SLC16A5: variants seen among roughly 807,000 people sequenced by gnomAD.
SLC16A5 encodes the protein solute carrier family 16 member 5.
A neutral mutation model predicts 33.2 loss-of-function variants in SLC16A5; 29 were observed. The observed-to-expected ratio is 0.87, with a 90% CI of 0.65 to 1.19. The LOEUF is 1.19. Among genes scored for constraint, SLC16A5 ranks in the 50% most tolerant of loss-of-function variants. SLC16A5 has a pLI of 0.00. For synonymous variants in SLC16A5, 248 were observed against 284.1 expected (o/e 0.87, Z 1.28); for missense variants, 606 against 678.2 (o/e 0.89, Z 1.18).
At chr17:75,097,976 CTCT>C (rs2073741741) in intron 3 of SLC16A5, 59 bp from the exon 4 acceptor site, 19 of 1,503,120 alleles carry the variant, frequency 1.3e-5, no homozygotes, top group Non-Finnish European at 1.7e-5. Context: ...TCTCCAGCCA[CTCT>C]CCTCCTCTCC....
At position 75,094,265 on chromosome 17, in the gene SLC16A5, G is replaced by A. The variant is rs369731817; in HGVS notation, c.199+430G>A. 7.9e-5 allele frequency among the ~76,000 whole-genome samples: 12 copies of A among 152,356 alleles called. No homozygotes were observed. In the East Asian group the frequency reaches 1.2e-3, roughly 15 times the overall value. Reference sequence around the variant, plus strand: ...TGCCCAGCTCCCACATGGAATAGCAGGGAAGACCACTGTCTTCCCTGGAGG... The same window carrying A: ...TGCCCAGCTCCCACATGGAATAGCAAGGAAGACCACTGTCTTCCCTGGAGG... On this transcript the variant is annotated intron_variant, in intron 3 of 6. Coordinates refer to ENST00000329783, the MANE Select transcript of SLC16A5 (RefSeq NM_004695.4).
chr17:75,092,686 C>G (rs575097712), intron 2 of SLC16A5, among the ~76,000 whole-genome samples: 1 of 151,504 alleles, frequency 6.6e-6, no homozygotes, highest in Non-Finnish European at 1.5e-5. Context: ...CAGTGGATCT[C>G]TGTGTGTGTG....
chr17:75,095,475 G>A (rs1288365684), intron 3 of SLC16A5, among the ~76,000 whole-genome samples: 3 of 152,166 alleles, frequency 2.0e-5, no homozygotes, highest in Non-Finnish European at 4.4e-5. Context: ...GAGTACTGTA[G>A]ACATTTTATT....
At chr17:75,100,917 C>G in intron 5 of SLC16A5, 101 bp downstream of exon 5, 1 of 1,209,674 alleles carries the variant, frequency 8.3e-7, no homozygotes, top group Non-Finnish European at 1.1e-6. Flanking sequence ...TGTGCTACAG[C>G]TGGTTTCCAA....
chr17:75,093,893 A>G (rs943541009), intron 3 of SLC16A5, 58 bp downstream of exon 3: 28 of 1,568,992 alleles, frequency 1.8e-5, no homozygotes, highest in African/African-American at 8.1e-5. Context: ...GGAAGCCACA[A>G]CCTCCCTGGC....
chr17:75,089,490 C>T (rs2073609586), intron 2 of SLC16A5, among the ~76,000 whole-genome samples, 186 bp downstream of exon 2: 1 of 152,052 alleles, frequency 6.6e-6, no homozygotes, highest in African/African-American at 2.4e-5. Flanking sequence ...TGCGGTGTCT[C>T]ACACCTGTAA....
chr17:75,093,903 C>A, intron 3 of SLC16A5, 68 bp downstream of exon 3: 6 of 1,550,674 alleles, frequency 3.9e-6, no homozygotes, highest in East Asian at 2.3e-5. Flanking sequence ...ACCTCCCTGG[C>A]CTTCTGATTC....
intron 2 of SLC16A5, among the ~76,000 whole-genome samples, chr17:75,091,721 G>A (rs1217753300): frequency 6.6e-6 from 1 of 152,226 alleles, no homozygotes; most frequent in Admixed American, 6.5e-5. Context: ...CAGGACCTGG[G>A]GTGAAAGGGA....
chr17:75,087,646 A>G (rs1325770562), upstream of SLC16A5: 1 of 152,182 alleles, frequency 6.6e-6, no homozygotes, highest in Non-Finnish European at 1.5e-5. Flanking sequence ...TCCCCACCCC[A>G]CTTCCTGGGA....
chr17:75,095,188 C>T (rs529233018), intron 3 of SLC16A5, among the ~76,000 whole-genome samples: 4 of 152,340 alleles, frequency 2.6e-5, no homozygotes, highest in South Asian at 2.1e-4. Context: ...TCGGAGAAAG[C>T]GCCACCCTCC....
intron 5 of SLC16A5, among the ~76,000 whole-genome samples, chr17:75,101,561 GAA>G (rs531652324): frequency 0.019 from 888 of 45,574 alleles, 5 homozygotes; most frequent in African/African-American, 0.05. Context: ...GACTCCATCT[GAA>G]AAAAAAAAAA....
At chr17:75,109,961 G>C (rs1326032258), downstream of SLC16A5, 1 of 278,024 alleles carries the variant, frequency 3.6e-6, no homozygotes, top group Non-Finnish European at 6.9e-6. This position sits in a 1 kb window ranked among gnomAD's most constrained non-coding sequence, Gnocchi z 5.0. Context: ...GGCTTCCGCC[G>C]GGAGCCCGGA....
intron 2 of SLC16A5, among the ~76,000 whole-genome samples, chr17:75,091,630 G>A (rs901990606): frequency 1.1e-4 from 16 of 152,208 alleles, no homozygotes; most frequent in Non-Finnish European, 2.1e-4. Context: ...TAGGCCTGGA[G>A]GGAAGCAGTG....
At chr17:75,100,870 T>G in intron 5 of SLC16A5, 54 bp downstream of exon 5, 9 of 1,459,576 alleles carry the variant, frequency 6.2e-6, no homozygotes, top group Non-Finnish European at 8.3e-6. Flanking sequence ...GGGAACAGTT[T>G]AGACAGATCT....
chr17:75,097,051 C>T (rs988533700), intron 3 of SLC16A5, among the ~76,000 whole-genome samples: 5 of 151,724 alleles, frequency 3.3e-5, no homozygotes, highest in Non-Finnish European at 7.4e-5. Flanking sequence ...GTCTCGAACT[C>T]CTGACCTTAA....
downstream of SLC16A5, among the ~76,000 whole-genome samples, chr17:75,109,024 C>T (rs1300487553): frequency 6.6e-6 from 1 of 152,234 alleles, no homozygotes; most frequent in Non-Finnish European, 1.5e-5. This position sits in a 1 kb window ranked among gnomAD's most constrained non-coding sequence, Gnocchi z 5.0. Context: ...AGGACACTCA[C>T]AGCCTAAGCC....
rs1328383885 is a variant in SLC16A5 at position 75,105,891 on chromosome 17, C to G, written c.1376C>G (p.Ser459Cys). ...QRSPEIMCQS[S>C]RQPRPAGVNK... ...ATTTTCATGAACAGGTGCCAGTCTT[C>G]CCGCCAGCCACGTCCAGCTGGCGTC... Residue 459 changes from serine (S) to cysteine (C), a missense_variant, in exon 7 of 7, where the codon TCC (serine) becomes TGC (cysteine). Transcript: ENST00000329783. 4 of 1,602,872 alleles carry G rather than the reference C, an allele frequency of 2.5e-6. No homozygotes were observed. Among genetic ancestry groups the G allele is most frequent in the Non-Finnish European group, 3.4e-6 (4 of 1,172,354 alleles).
chr17:75,107,323 A>G (rs1291566749), downstream of SLC16A5, among the ~76,000 whole-genome samples: 1 of 152,184 alleles, frequency 6.6e-6, no homozygotes, highest in Non-Finnish European at 1.5e-5. Context: ...AAAGGTATCA[A>G]TGAATGTTCT....
chr17:75,101,375 G>A (rs71380872), intron 5 of SLC16A5, among the ~76,000 whole-genome samples: 2 of 151,106 alleles, frequency 1.3e-5, no homozygotes, highest in Non-Finnish European at 1.5e-5. Context: ...CATGGCTAAC[G>A]TGGTGAAACC....
Sources: allele counts gnomAD v4.1 joint callset (sites outside exome capture counted in the v4.1 genomes callset), GRCh38; gene constraint gnomAD v4.1.1; non-coding constraint Gnocchi (gnomAD v3.1); transcripts MANE v1.5; gene names NCBI Gene and HGNC (gene_info 2026-07-23, HGNC 2026-07-21).